EYS: variants seen among roughly 807,000 people sequenced by gnomAD.
EYS encodes the protein EGF-like photoreceptor maintenance factor.
Under a neutral mutation model 282.1 loss-of-function variants are expected in EYS, and 250 were observed. That is an observed-to-expected ratio of 0.89 (90% CI 0.80 to 0.98). The LOEUF is 0.98. Among genes scored for constraint, EYS ranks in the 50% least tolerant of loss-of-function variants. The pLI, the probability that EYS is intolerant of heterozygous loss-of-function variation, is 0.00. For synonymous variants in EYS, 1,355 were observed against 1,282.9 expected (o/e 1.06, Z -1.20); for missense variants, 4,016 against 3,709.0 (o/e 1.08, Z -2.15).
intron 35 of EYS, among the ~76,000 whole-genome samples, chr6:63,880,487 G>GTCTCTATCTATCTATCTATC (rs537041801): frequency 7.0e-6 from 1 of 142,780 alleles, no homozygotes; most frequent in Admixed American, 7.2e-5. Flanking sequence ...CTGTCTGTCT[G>GTCTCTATCTATCTATCTATC]TATCTATCTA....
chr6:63,819,510 G>A (rs1240327689), intron 36 of EYS, among the ~76,000 whole-genome samples: 1 of 152,158 alleles, frequency 6.6e-6, no homozygotes, highest in Non-Finnish European at 1.5e-5. Flanking sequence ...GGAAAATATA[G>A]CACCACGTGT....
chr6:63,983,167 T>C, intron 35 of EYS, among the ~76,000 whole-genome samples: 1 of 151,762 alleles, frequency 6.6e-6, no homozygotes, highest in East Asian at 1.9e-4. Context: ...TAAATCTGTA[T>C]CCATTGTACT....
chr6:65,114,462 ATTTT>A (rs5876942), intron 12 of EYS, among the ~76,000 whole-genome samples: 1 of 148,458 alleles, frequency 6.7e-6, no homozygotes, highest in African/African-American at 2.5e-5. Context: ...TTCCAAACTA[ATTTT>A]TTTTTTTTAA....
intron 31 of EYS, among the ~76,000 whole-genome samples, chr6:64,198,077 C>G (rs2150320504): frequency 6.6e-6 from 1 of 152,040 alleles, no homozygotes; most frequent in South Asian, 2.1e-4. Context: ...ACTGCAAGCT[C>G]CGCTTCCCGG....
At chr6:64,102,339 T>A (rs909664050) in intron 31 of EYS, among the ~76,000 whole-genome samples, 9 of 152,182 alleles carry the variant, frequency 5.9e-5, no homozygotes, top group African/African-American at 2.2e-4. Flanking sequence ...GTAAATTTTT[T>A]AAAGTAAATA....
At chr6:64,047,860 G>C (rs531693817) in intron 33 of EYS, among the ~76,000 whole-genome samples, 2 of 152,192 alleles carry the variant, frequency 1.3e-5, no homozygotes, top group East Asian at 1.9e-4. Flanking sequence ...TGCAGCAGAG[G>C]CTGGTCTCCT....
intron 29 of EYS, among the ~76,000 whole-genome samples, chr6:64,387,376 AG>A (rs1202436577): frequency 1.3e-5 from 2 of 152,096 alleles, no homozygotes; most frequent in Non-Finnish European, 2.9e-5. Context: ...ATTTATATTC[AG>A]GGGTAGCTAA....
At chr6:65,400,088 T>C (rs917645136) in intron 7 of EYS, among the ~76,000 whole-genome samples, 23 of 151,948 alleles carry the variant, frequency 1.5e-4, no homozygotes, top group Non-Finnish European at 2.6e-4. Context: ...TGAAAAAATT[T>C]ACCTGCTAGG....
intron 22 of EYS, among the ~76,000 whole-genome samples, chr6:64,723,036 A>G (rs1353296251): frequency 6.6e-6 from 1 of 151,964 alleles, no homozygotes; most frequent in East Asian, 1.9e-4. Flanking sequence ...AAAGGGTAAA[A>G]CATAATGGCT....
chr6:64,216,382 C>A (rs116168357), intron 31 of EYS, among the ~76,000 whole-genome samples: 127 of 152,306 alleles, frequency 8.3e-4, no homozygotes, highest in African/African-American at 2.8e-3. Context: ...TCCTTTGTTT[C>A]TCAGAAGTTG....
intron 11 of EYS, among the ~76,000 whole-genome samples, chr6:65,299,321 AT>A (rs1187104871): frequency 2.1e-4 from 32 of 152,210 alleles, no homozygotes; most frequent in Non-Finnish European, 2.9e-5. Context: ...TAAATAACAT[AT>A]TTTTAACACT....
At chr6:64,541,474 T>G (rs137974420) in intron 26 of EYS, among the ~76,000 whole-genome samples, 157 of 152,334 alleles carry the variant, frequency 1.0e-3, no homozygotes, top group African/African-American at 3.7e-3. Flanking sequence ...CCAAACTGTA[T>G]GCCACCACTA....
intron 35 of EYS, among the ~76,000 whole-genome samples, chr6:63,901,126 A>T (rs997317580): frequency 6.6e-6 from 1 of 152,248 alleles, no homozygotes; most frequent in African/African-American, 2.4e-5. Flanking sequence ...AAATAACTAA[A>T]GAAAATTGTG....
intron 14 of EYS, among the ~76,000 whole-genome samples, chr6:64,980,700 T>C (rs766582759): frequency 6.6e-5 from 10 of 151,482 alleles, no homozygotes; most frequent in South Asian, 2.1e-4. Flanking sequence ...GGGAAAAATA[T>C]GTTTAAAATC....
At chr6:64,062,068 C>G (rs187577155) in intron 33 of EYS, among the ~76,000 whole-genome samples, 1 of 151,928 alleles carries the variant, frequency 6.6e-6, no homozygotes, top group Non-Finnish European at 1.5e-5. Flanking sequence ...GAAAAAGGAA[C>G]CTAACTCACA....
chr6:65,026,439 C>A (rs1203948084), intron 13 of EYS, among the ~76,000 whole-genome samples: 4 of 151,818 alleles, frequency 2.6e-5, no homozygotes, highest in Non-Finnish European at 5.9e-5. Context: ...AAAAAAAGAC[C>A]AGGGGTATGA....
intron 13 of EYS, among the ~76,000 whole-genome samples, chr6:65,048,611 A>C (rs1204778176): frequency 2.0e-5 from 3 of 151,800 alleles, no homozygotes; most frequent in African/African-American, 7.2e-5. Flanking sequence ...ACTTTCTCCT[A>C]TGCTTCAGAT....
intron 22 of EYS, among the ~76,000 whole-genome samples, chr6:64,729,849 A>T (rs956428418): frequency 2.6e-5 from 4 of 152,236 alleles, no homozygotes; most frequent in African/African-American, 4.8e-5. Flanking sequence ...TAATTTTAAA[A>T]GTTACTTAAT....
At chr6:64,407,866 A>G (rs1409399023) in intron 28 of EYS, among the ~76,000 whole-genome samples, 1 of 151,982 alleles carries the variant, frequency 6.6e-6, no homozygotes, top group South Asian at 2.1e-4. Flanking sequence ...CGAGGAGCTG[A>G]GATTACAGGT....
Sources: gnomAD v4.1 joint callset for allele counts (sites outside exome capture counted in the v4.1 genomes callset) on GRCh38, gnomAD v4.1.1 for gene constraint, MANE v1.5 for transcripts, NCBI Gene and HGNC (gene_info 2026-07-23, HGNC 2026-07-21) for gene names.